Variants in RHBDD3 observed in about 807,000 individuals in gnomAD.
RHBDD3 encodes rhomboid domain-containing protein 3.
A neutral mutation model predicts 32.3 loss-of-function variants in RHBDD3; 34 were observed. The observed-to-expected ratio is 1.05, with a 90% CI of 0.80 to 1.40. The LOEUF is 1.40. Ranked by LOEUF, RHBDD3 falls within the 40% of genes most tolerant of loss-of-function variation. The pLI is 0.00. For synonymous variants in RHBDD3, 249 were observed against 239.1 expected (o/e 1.04, Z -0.38); for missense variants, 482 against 492.6 (o/e 0.98, Z 0.20).
In RHBDD3 at chr22:29,264,097, C is replaced by T; in HGVS notation, c.270G>A (p.Leu90=). The T allele has an allele frequency of 6.3e-7, 1 of 1,585,794 alleles. No homozygotes were observed. The highest frequency in any genetic ancestry group is 8.6e-7 in the Non-Finnish European group (1 of 1,167,396). The change falls in exon 4 of 7, where the codon CTG becomes CTA. Residue 90 remains leucine, a synonymous_variant. Transcript: ENST00000216085. The stretch of plus-strand genomic sequence containing the variant: ...CCAGGGCGAGCAGGGCTGAGGCATG[C>T]AGGAATCTCAGCGTGCCCAGGTGGC... ...QECHLGTLRF[L]HASALLALAS...
intron 4 of RHBDD3, among the ~76,000 whole-genome samples, chr22:29,262,674 G>A (rs1173200179): frequency 6.6e-6 from 1 of 152,082 alleles, no homozygotes; most frequent in Non-Finnish European, 1.5e-5. Context: ...ATTCCAATCC[G>A]TGAACATGAG....
intron 2 of RHBDD3, among the ~76,000 whole-genome samples, chr22:29,266,536 G>A (rs893679889): frequency 6.6e-6 from 1 of 152,190 alleles, no homozygotes; most frequent in African/African-American, 2.4e-5. Flanking sequence ...CCACCAACTG[G>A]CCCATCGAGA....
Position 29,260,480 on chromosome 22 carries a change from A to C in RHBDD3, c.829T>G (p.Trp277Gly). Reference sequence around the variant, plus strand: ...CCTGGGGAGAAGCTGGCCCCAGCCCAGTCCAGGCCTGCCTCTGAGGAGCCC... The same window carrying C: ...CCTGGGGAGAAGCTGGCCCCAGCCCCGTCCAGGCCTGCCTCTGAGGAGCCC... ...WEGSSEAGLD[W>G]AGASFSPGTP... Residue 277 changes from tryptophan (W) to glycine (G), a missense_variant, in exon 6 of 7, where the codon TGG becomes GGG. Physicochemically the swap from Trp to Gly is radical, Grantham distance 184. Coordinates refer to ENST00000216085, the MANE Select transcript of RHBDD3 (RefSeq NM_012265.3). 1 of 1,606,754 alleles carries C rather than the reference A, an allele frequency of 6.2e-7. No homozygotes were observed. The highest frequency in any genetic ancestry group is 1.3e-5 in the African/African-American group (1 of 74,934).
intron 4 of RHBDD3, 117 bp downstream of exon 4, chr22:29,263,718 G>C (rs906745093): frequency 1.4e-6 from 2 of 1,426,892 alleles, no homozygotes; most frequent in African/African-American, 2.9e-5. Flanking sequence ...CCTGGAATGT[G>C]TGTGCACGGC....
chr22:29,261,172 C>G (rs909634368), intron 4 of RHBDD3: 1 of 562,736 alleles, frequency 1.8e-6, no homozygotes, highest in Admixed American at 2.4e-5. Flanking sequence ...AAGACCCACC[C>G]GTCCTGGAAG....
At chr22:29,264,519 T>C (rs1405581091) in intron 3 of RHBDD3, 4 of 1,171,610 alleles carry the variant, frequency 3.4e-6, no homozygotes, top group Non-Finnish European at 4.2e-6. Flanking sequence ...GAAGGTACTC[T>C]GCTTCTGTAT....
In RHBDD3 at chr22:29,265,555, C is replaced by T. The variant is rs752417902; in HGVS notation, c.72G>A (p.Leu24=). The T allele has an allele frequency of 1.9e-6, 3 of 1,588,556 alleles. No individual in the cohort carries two copies. The Admixed American group carries it at 5.4e-5, about 29-fold the overall frequency. Residue 24 remains leucine (L), a synonymous_variant, in exon 3 of 7, where the codon CTG becomes CTA. Coordinates refer to ENST00000216085, the MANE Select transcript of RHBDD3 (RefSeq NM_012265.3). Reference sequence around the variant, plus strand: ...CCCCCACCAGCCACAGGGTGCTCATCAGCAGCATCAGGACTGAGGAGGCCA... The same window carrying T: ...CCCCCACCAGCCACAGGGTGCTCATTAGCAGCATCAGGACTGAGGAGGCCA... ...LPLASSVLML[L]MSTLWLVGAG... is the part of the protein sequence containing the mutation.
rs777842946 is a variant in RHBDD3, at chr22:29,260,153, C to T, written c.1068G>A (p.Val356=). The change falls in exon 7 of 7, where the codon GTG becomes GTA. Residue 356 remains valine (V), a synonymous_variant. Transcript: ENST00000216085. The stretch of plus-strand genomic sequence containing the variant: ...CCACTTGTCCTCCAACCAACAGTGA[C>T]ACGGCACCCTCCACACGGCCTGTGG... ...LAATGRVEGA[V]SLLVGGQVGT... 9 of 1,589,278 alleles carry T rather than the reference C, an allele frequency of 5.7e-6. No homozygotes were observed. The Admixed American group carries it at 1.4e-4, about 25-fold the overall frequency.
intron 4 of RHBDD3, chr22:29,261,511 T>C (rs149610964): frequency 0.011 from 4,031 of 363,964 alleles, 91 homozygotes; most frequent in East Asian, 0.09. Context: ...AGAGGATCGC[T>C]TGAGCCCAGG....
chr22:29,265,782 C>G lies in RHBDD3; in HGVS notation c.-42-114G>C, dbSNP rs373318302. The G allele has an allele frequency of 1.1e-5, 12 of 1,098,448 alleles. No homozygotes were observed. The African/African-American group carries it at 1.7e-4, about 15-fold the overall frequency. The allele number at this position is 1,098,448 out of a possible 1,614,324, so 68.0% of individuals were successfully genotyped here. A position where few individuals can be genotyped will look rare whatever the true frequency, so the allele number is the denominator to read the frequency against. On this transcript the variant is annotated intron_variant, in intron 2 of 6. Coordinates refer to ENST00000216085, the MANE Select transcript of RHBDD3 (RefSeq NM_012265.3). ...TACAGAGGTGGAAACAGGCTGGAGA[C>G]GCAGGCCCAGCAGCTTGGCCTTAGT...
In RHBDD3 at chr22:29,263,903, A is replaced by G. The variant is rs1185803109; in HGVS notation, c.464T>C (p.Leu155Pro). 1.3e-6 allele frequency: 2 copies of G among 1,549,560 alleles called. No homozygotes were observed. The highest frequency in any genetic ancestry group is 2.4e-5 in the South Asian group (2 of 83,998). ...PWLSPWLLLA[L>P]TPLLSSEPPF... ...TGGCTCAGAGCTGAGCAGTGGGGTCAGGGCAAGCAGCAGCCACGGCGACAG... is the reference window on the plus strand; with the variant it reads ...TGGCTCAGAGCTGAGCAGTGGGGTCGGGGCAAGCAGCAGCCACGGCGACAG... The change falls in exon 4 of 7, where the codon CTG (leucine) becomes CCG (proline). Residue 155 changes from leucine to proline, a missense_variant. Physicochemically the swap from Leu to Pro is moderately conservative, Grantham distance 98. Coordinates refer to ENST00000216085, the MANE Select transcript of RHBDD3 (RefSeq NM_012265.3).
Position 29,265,542 on chromosome 22 carries a change from A to G in RHBDD3, c.85T>C (p.Trp29Arg), listed in dbSNP as rs1217404820. The change falls in exon 3 of 7, where the codon TGG (tryptophan) becomes CGG (arginine). Residue 29 changes from tryptophan (W) to arginine (R), a missense_variant. Physicochemically the swap from Trp to Arg is moderately radical, Grantham distance 101. Transcript: ENST00000216085. Reference sequence around the variant, plus strand: ...AGGCCGGGGCCGGCCCCCACCAGCCACAGGGTGCTCATCAGCAGCATCAGG... The same window carrying G: ...AGGCCGGGGCCGGCCCCCACCAGCCGCAGGGTGCTCATCAGCAGCATCAGG... ...SVLMLLMSTL[W>R]LVGAGPGLVL... is the part of the protein sequence containing the mutation. The G allele has an allele frequency of 6.3e-7, 1 of 1,585,450 alleles. No homozygotes were observed. Among genetic ancestry groups the G allele is most frequent in the Admixed American group, 1.8e-5 (1 of 54,432 alleles).
intron 2 of RHBDD3, among the ~76,000 whole-genome samples, chr22:29,266,992 C>G (rs532645345): frequency 6.6e-6 from 1 of 152,242 alleles, no homozygotes; most frequent in African/African-American, 2.4e-5. Context: ...CTTGGCCAGT[C>G]TGTCTCCCTA....
chr22:29,265,564 C>T lies in RHBDD3; in HGVS notation c.63G>A (p.Leu21=). 2.5e-6 allele frequency: 4 copies of T among 1,589,760 alleles called. No homozygotes were observed. The highest frequency in any genetic ancestry group is 3.4e-6 in the Non-Finnish European group (4 of 1,171,220). ...GCCACAGGGTGCTCATCAGCAGCAT[C>T]AGGACTGAGGAGGCCAGAGGCAGTG... is the stretch of plus-strand genomic sequence containing the variant. The part of the protein sequence containing the change: ...SPALPLASSV[L]MLLMSTLWLV... The change falls in exon 3 of 7, where the codon CTG becomes CTA. Residue 21 remains leucine, a synonymous_variant. Coordinates refer to ENST00000216085, the MANE Select transcript of RHBDD3 (RefSeq NM_012265.3).
At chr22:29,264,432 C>T in intron 3 of RHBDD3, 1 of 1,373,486 alleles carries the variant, frequency 7.3e-7, no homozygotes, top group Non-Finnish European at 9.4e-7. Flanking sequence ...TGGTATTAAA[C>T]AGAATACACT....
At chr22:29,260,664 CCCA>C (rs771973649) in intron 5 of RHBDD3, 35 bp downstream of exon 5, 1 of 1,553,002 alleles carries the variant, frequency 6.4e-7, no homozygotes, top group Admixed American at 1.9e-5. Flanking sequence ...TGCCACAGTG[CCCA>C]CCACCTGGAC....
chr22:29,260,410 C>T lies in RHBDD3; in HGVS notation c.899G>A (p.Gly300Asp), dbSNP rs541822952. 3.7e-6 allele frequency: 6 copies of T among 1,612,082 alleles called. No homozygotes were observed. The highest frequency in any genetic ancestry group is 2.2e-5 in the East Asian group (1 of 44,858). ...AALDEQMLQEGIQASLLDGPA... is the reference protein window; with the variant it reads ...AALDEQMLQEDIQASLLDGPA... ...CCCGTCAAGAAGCGAGGCCTGGATG[C>T]CCTCCTGCAGCATCTGCTCATCCAA... The change falls in exon 6 of 7, where the codon GGC (glycine) becomes GAC (aspartate). Residue 300 changes from glycine to aspartate, a missense_variant. Coordinates refer to ENST00000216085, the MANE Select transcript of RHBDD3 (RefSeq NM_012265.3).
rs2058145593 is a variant in RHBDD3, at chr22:29,263,790, A to T, written c.532+45T>A. The T allele has an allele frequency of 6.8e-6, 10 of 1,468,498 alleles. 1 individual carries two copies. In the South Asian group the frequency reaches 9.8e-5, roughly 14 times the overall value. 91.0% of individuals were successfully genotyped at this position (1,468,498 alleles called of 1,614,324 possible). A position where few individuals can be genotyped will look rare whatever the true frequency, so the allele number is the denominator to read the frequency against. On this transcript the variant is annotated intron_variant, in intron 4 of 6. Coordinates refer to ENST00000216085, the MANE Select transcript of RHBDD3 (RefSeq NM_012265.3). ...ACTTCCTTCCCAGGCACCCACCCAC[A>T]GAACCCACACATCCCCACGGGCCCT...
At chr22:29,264,603 G>T in intron 3 of RHBDD3, 2 of 806,788 alleles carry the variant, frequency 2.5e-6, no homozygotes, top group Non-Finnish European at 3.0e-6. Flanking sequence ...CCCTCAAGCT[G>T]TGTGACCCTG....
Sources: gnomAD v4.1 joint callset for allele counts (sites outside exome capture counted in the v4.1 genomes callset) on GRCh38, gnomAD v4.1.1 for gene constraint, MANE v1.5 for transcripts, NCBI Gene and HGNC (gene_info 2026-07-23, HGNC 2026-07-21) for gene names.